Variants in GID4 observed in about 807,000 individuals in gnomAD.
GID4 encodes the protein GID complex subunit 4 homolog.
A neutral mutation model predicts 32.4 loss-of-function variants in GID4; 7 were observed. The ratio of observed to expected loss-of-function variants is 0.22; its 90% CI spans 0.12 to 0.41. The LOEUF is 0.41. Ranked by LOEUF, GID4 falls within the 10% of genes least tolerant of loss-of-function variation. GID4 has a pLI of 1.00. For missense variants in GID4, 309 were observed against 400.0 expected (o/e 0.77, Z 1.94); for synonymous variants, 166 against 170.0 (o/e 0.98, Z 0.18).
intron 2 of GID4, among the ~76,000 whole-genome samples, chr17:18,051,444 C>T (rs1284875202): frequency 3.3e-5 from 5 of 152,028 alleles, no homozygotes; most frequent in South Asian, 4.2e-4. Context: ...TTTGGGAGGC[C>T]GAGGCAGGTG....
intron 2 of GID4, among the ~76,000 whole-genome samples, chr17:18,048,160 C>G (rs1480579665): frequency 6.6e-6 from 1 of 150,984 alleles, no homozygotes; most frequent in Non-Finnish European, 1.5e-5. Flanking sequence ...CTCGGCCTCC[C>G]ATAGCGCTGG....
chr17:18,039,473 G>T lies in GID4; in HGVS notation c.9G>T (p.Ala3=). MC[A]RGQVGRGTQL... ...AGTGTCTGTGTGTGTGTATGTGTGC[G>T]CGAGGGCAAGTCGGGAGGGGGACCC... Residue 3 remains alanine (A), a synonymous_variant, in exon 1 of 6, where the codon GCG becomes GCT. Coordinates refer to ENST00000268719, the MANE Select transcript of GID4 (RefSeq NM_024052.5). This position sits in a 1 kb window ranked among gnomAD's most constrained non-coding sequence, Gnocchi z 5.3. 1.5e-6 allele frequency: 2 copies of T among 1,339,046 alleles called. No homozygotes were observed. Among genetic ancestry groups the T allele is most frequent in the Non-Finnish European group, 1.9e-6 (2 of 1,049,644 alleles). The allele number at this position is 1,339,046 out of a possible 1,614,324, so 82.9% of individuals were successfully genotyped here.
At chr17:18,054,718 C>T (rs890181686) in intron 3 of GID4, among the ~76,000 whole-genome samples, 1 of 152,184 alleles carries the variant, frequency 6.6e-6, no homozygotes. Context: ...TGCTGACAGA[C>T]AAGTATAGTC....
Position 18,067,579 on chromosome 17 carries a change from ACCT to A in GID4, c.*2341_*2343del, listed in dbSNP as rs2045077964. The stretch of plus-strand genomic sequence containing the variant: ...TAGGGAAAGGATTAAGGATTTTTCC[ACCT>A]CCTCTTAGTAACTCCTGAATTACCA... On this transcript the variant is annotated 3_prime_UTR_variant, in exon 6 of 6. Transcript: ENST00000268719. 6.6e-6 allele frequency: 1 copy of A among 152,484 alleles called. No homozygotes were observed. The highest frequency in any genetic ancestry group is 1.5e-5 in the Non-Finnish European group (1 of 68,012). The allele number at this position is 152,484 out of a possible 1,614,324, so 9.4% of individuals were successfully genotyped here.
chr17:18,057,902 C>T (rs1191162893), intron 3 of GID4, among the ~76,000 whole-genome samples: 3 of 151,928 alleles, frequency 2.0e-5, no homozygotes, highest in South Asian at 2.1e-4. Flanking sequence ...GGCACGATCT[C>T]GGCTCATTGC....
chr17:18,046,209 G>A (rs548741177), intron 2 of GID4, among the ~76,000 whole-genome samples: 2 of 152,320 alleles, frequency 1.3e-5, no homozygotes, highest in African/African-American at 2.4e-5. Context: ...GCTGGATGGG[G>A]CAGTGGAAAG....
chr17:18,049,207 G>C (rs918445332), intron 2 of GID4, among the ~76,000 whole-genome samples: 2 of 151,242 alleles, frequency 1.3e-5, no homozygotes, highest in Non-Finnish European at 2.9e-5. Flanking sequence ...ATGGTGGCGG[G>C]CACCTGTAAT....
rs756671875 is a variant in GID4, at chr17:18,066,522, A to G, written c.*1279A>G. On this transcript the variant is annotated 3_prime_UTR_variant, in exon 6 of 6. Coordinates refer to ENST00000268719, the MANE Select transcript of GID4 (RefSeq NM_024052.5). ...TTTTTTTAAATGTTTTAAAAGCTTA[A>G]TAGGTTGGCATCAGTTGTAGCCCAC... is the stretch of plus-strand genomic sequence containing the variant. 3 of 151,930 alleles carry G rather than the reference A, an allele frequency of 2.0e-5. No individual in the cohort carries two copies. Among genetic ancestry groups the G allele is most frequent in the Non-Finnish European group, 4.4e-5 (3 of 68,024 alleles). The allele number at this position is 151,930 out of a possible 1,614,324, so 9.4% of individuals were successfully genotyped here. A position where few individuals can be genotyped will look rare whatever the true frequency, so the allele number is the denominator to read the frequency against.
chr17:18,056,931 G>A (rs1180693140), intron 3 of GID4: 1 of 1,550,464 alleles, frequency 6.4e-7, no homozygotes, highest in Non-Finnish European at 8.7e-7. Context: ...GTTCCCACGT[G>A]GGACTCCTGG....
intron 4 of GID4, among the ~76,000 whole-genome samples, chr17:18,060,257 G>T (rs979538256): frequency 4.0e-5 from 6 of 151,636 alleles, no homozygotes; most frequent in African/African-American, 1.5e-4. Context: ...AATTAGCCAG[G>T]TGTAGTGGTG....
chr17:18,056,903 C>T lies in GID4; in HGVS notation c.607-1965C>T, dbSNP rs1337338456. 3 of 1,550,586 alleles carry T rather than the reference C, an allele frequency of 1.9e-6. No homozygotes were observed. The East Asian group carries it at 7.3e-5, about 38-fold the overall frequency. ...TCAGCATTTCCCCTAACTTTCACCA[C>T]TCATGGAGGACTCCCAGGTTCCCAC... is the stretch of plus-strand genomic sequence containing the variant. On this transcript the variant is annotated intron_variant, in intron 3 of 5. Transcript: ENST00000268719.
rs2045056769 is a variant in GID4 at position 18,065,777 on chromosome 17, C to T, written c.*534C>T. 1 of 187,280 alleles carries T rather than the reference C, an allele frequency of 5.3e-6. No homozygotes were observed. The highest frequency in any genetic ancestry group is 1.1e-4 in the South Asian group (1 of 8,742). The allele number at this position is 187,280 out of a possible 1,614,324, so 11.6% of individuals were successfully genotyped here. A position where few individuals can be genotyped will look rare whatever the true frequency, so the allele number is the denominator to read the frequency against. On this transcript the variant is annotated 3_prime_UTR_variant, in exon 6 of 6. Coordinates refer to ENST00000268719, the MANE Select transcript of GID4 (RefSeq NM_024052.5). Reference sequence around the variant, plus strand: ...ACCAAGGGCACAAGAGGCGGAGGCTCCAGTCCCTGCTGGGCTGCCTCAGTC... The same window carrying T: ...ACCAAGGGCACAAGAGGCGGAGGCTTCAGTCCCTGCTGGGCTGCCTCAGTC...
intron 1 of GID4, among the ~76,000 whole-genome samples, chr17:18,040,318 A>G (rs1275110390): frequency 5.3e-5 from 8 of 152,120 alleles, no homozygotes; most frequent in Non-Finnish European, 1.2e-4. Context: ...GACCCTCCCC[A>G]TGTCTGGGCC....
chr17:18,057,057 T>C, intron 3 of GID4: 5 of 1,535,596 alleles, frequency 3.3e-6, no homozygotes, highest in Non-Finnish European at 4.4e-6. Context: ...ATCCTCAGAT[T>C]TTCCTGAGTG....
chr17:18,051,522 A>T (rs950492220), intron 2 of GID4, among the ~76,000 whole-genome samples: 1 of 151,894 alleles, frequency 6.6e-6, no homozygotes, highest in African/African-American at 2.4e-5. Context: ...CTGAAAATAC[A>T]AAAATTAGCC....
intron 3 of GID4, among the ~76,000 whole-genome samples, chr17:18,058,349 A>G (rs1416988501): frequency 6.6e-6 from 1 of 152,152 alleles, no homozygotes; most frequent in Admixed American, 6.5e-5. Context: ...CCTGGAACCA[A>G]TCTCTCGCAG....
intron 1 of GID4, among the ~76,000 whole-genome samples, chr17:18,042,371 A>G (rs1366467711): frequency 6.6e-6 from 1 of 152,202 alleles, no homozygotes; most frequent in Non-Finnish European, 1.5e-5. Flanking sequence ...TTGTTTGTCT[A>G]TTCTGGACAT....
intron 1 of GID4, among the ~76,000 whole-genome samples, chr17:18,044,591 C>T (rs2044834461): frequency 6.6e-6 from 1 of 152,018 alleles, no homozygotes; most frequent in Admixed American, 6.6e-5. Flanking sequence ...AAGTTTATAC[C>T]ACATAAATCT....
chr17:18,044,735 TG>T (rs1032412331), intron 1 of GID4, among the ~76,000 whole-genome samples: 3 of 152,108 alleles, frequency 2.0e-5, no homozygotes, highest in African/African-American at 7.2e-5. Context: ...GAAAAAGGCT[TG>T]AAAGACATTA....
Sources: allele counts gnomAD v4.1 joint callset (sites outside exome capture counted in the v4.1 genomes callset), GRCh38; gene constraint gnomAD v4.1.1; non-coding constraint Gnocchi (gnomAD v3.1); transcripts MANE v1.5; gene names NCBI Gene and HGNC (gene_info 2026-07-23, HGNC 2026-07-21).